The following SFMBT2 variants were observed in gnomAD, a reference collection of about 807,000 sequenced individuals.
SFMBT2 encodes the protein scm-like with four MBT domains protein 2.
In SFMBT2, 38 loss-of-function variants were observed where a neutral mutation model predicts 110.1. The observed-to-expected ratio is 0.35, with a 90% confidence interval of 0.27 to 0.45. The LOEUF is 0.45. Ranked by LOEUF, SFMBT2 falls within the 20% of genes least tolerant of loss-of-function variation. The probability of loss-of-function intolerance (pLI) is 1.00; values close to 1 mark genes in which losing one functional copy is unlikely to be tolerated. For synonymous variants in SFMBT2, 425 were observed against 425.4 expected, an observed-to-expected ratio of 1.00 and a Z score of 0.01; for missense variants, 1,011 against 1,094.9, an observed-to-expected ratio of 0.92 and a Z score of 1.08.
intron 15 of SFMBT2, among the ~76,000 whole-genome samples, chr10:7,189,470 A>G (rs1222486119): frequency 6.6e-6 from 1 of 152,200 alleles, no homozygotes; most frequent in African/African-American, 2.4e-5. Flanking sequence ...AGTTTCTCTA[A>G]TGAAAGGGAC....
intron 4 of SFMBT2, among the ~76,000 whole-genome samples, chr10:7,300,993 A>G (rs1417379866): frequency 6.6e-6 from 1 of 152,218 alleles, no homozygotes; most frequent in Non-Finnish European, 1.5e-5. Context: ...GAAAATAAAG[A>G]TCATTAAGAC....
At chr10:7,349,880 T>G (rs1202164704) in intron 4 of SFMBT2, among the ~76,000 whole-genome samples, 1 of 152,162 alleles carries the variant, frequency 6.6e-6, no homozygotes, top group Non-Finnish European at 1.5e-5. Context: ...CAGTATTTGA[T>G]GGACTGAAGA....
chr10:7,346,988 T>TCGAAA (rs568378316), intron 4 of SFMBT2, among the ~76,000 whole-genome samples: 7 of 150,256 alleles, frequency 4.7e-5, no homozygotes, highest in African/African-American at 1.7e-4. Flanking sequence ...AGACTCTGTC[T>TCGAAA]CAAAACAAAA....
intron 10 of SFMBT2, 98 bp from the exon 11 acceptor site, chr10:7,220,635 T>A (rs1308106137): frequency 2.4e-6 from 3 of 1,241,328 alleles, no homozygotes; most frequent in Non-Finnish European, 3.5e-6. Context: ...ACACGCATCT[T>A]ACATCGACAA....
chr10:7,250,298 G>A (rs1019072186), intron 7 of SFMBT2, among the ~76,000 whole-genome samples: 4 of 152,080 alleles, frequency 2.6e-5, no homozygotes, highest in Non-Finnish European at 4.4e-5. Context: ...ATCCGTGTGT[G>A]CTCAAGGTCT....
intron 15 of SFMBT2, 62 bp downstream of exon 15, chr10:7,197,486 A>G: frequency 6.3e-7 from 1 of 1,578,940 alleles, no homozygotes; most frequent in Non-Finnish European, 8.6e-7. Context: ...TCAGAAACTG[A>G]GCCCACAGCT....
intron 7 of SFMBT2, among the ~76,000 whole-genome samples, chr10:7,259,964 T>C (rs957562698): frequency 6.6e-6 from 1 of 152,212 alleles, no homozygotes; most frequent in African/African-American, 2.4e-5. Context: ...GCCTCCACTT[T>C]GAATGTCTAG....
In SFMBT2 at chr10:7,186,459, C is replaced by CACACACACACAT. The variant is rs748644225; in HGVS notation, c.1808+2164_1808+2165insATGTGTGTGTGT. On this transcript the variant is annotated intron_variant, in intron 16 of 20. Coordinates refer to ENST00000397167, the MANE Select transcript of SFMBT2 (RefSeq NM_001387889.1). ...ACACACACACACACACACACACACACATATATATATATATAAAAATATTTT... is the reference window on the plus strand; with the variant it reads ...ACACACACACACACACACACACACACACACACACACATATATATATATATATAAAAATATTTT... Among the ~76,000 whole-genome samples the CACACACACACAT allele has an allele frequency of 1.1e-3, 138 of 126,900 alleles. 1 individual carries two copies. Among genetic ancestry groups the CACACACACACAT allele is most frequent in the African/African-American group, 4.3e-3 (133 of 30,848 alleles). The allele number at this position is 126,900 out of a possible 152,430, so 83.3% of individuals were successfully genotyped here.
At position 7,170,967 on chromosome 10, in the gene SFMBT2, C is replaced by G; in HGVS notation, c.2505G>C (p.Leu835=). 1 of 1,614,208 alleles carries G rather than the reference C, an allele frequency of 6.2e-7. No individual in the cohort carries two copies. Residue 835 remains leucine (L), a synonymous_variant, in exon 20 of 21, where the codon CTG becomes CTC. Transcript: ENST00000397167. The surrounding 1 kb of genome is among the most constrained non-coding windows in gnomAD (Gnocchi z 4.6). ...TVTDVVRFIK[L]TDCAPLAKIF... is the part of the protein sequence containing the mutation. ...TCTTGGCCAAGGGGGCACAGTCTGT[C>G]AGCTTAATGAACCTCACCACGTCGG...
chr10:7,410,428 G>A (rs1425521124), intron 1 of SFMBT2, among the ~76,000 whole-genome samples: 2 of 152,268 alleles, frequency 1.3e-5, no homozygotes, highest in African/African-American at 2.4e-5. Flanking sequence ...AGCGGCGGCT[G>A]CGTCGCTAAA....
chr10:7,379,936 TA>T (rs1845376264), intron 2 of SFMBT2, among the ~76,000 whole-genome samples: 1 of 152,090 alleles, frequency 6.6e-6, no homozygotes, highest in Non-Finnish European at 1.5e-5. Context: ...AGAAACTACT[TA>T]AGTTAGAGAG....
intron 2 of SFMBT2, among the ~76,000 whole-genome samples, chr10:7,374,756 A>G (rs1279424519): frequency 1.3e-5 from 2 of 152,214 alleles, no homozygotes; most frequent in African/African-American, 4.8e-5. Context: ...TCAAACCTTC[A>G]TGCCCAGCAC....
At chr10:7,225,301 T>G (rs1240093424) in intron 10 of SFMBT2, among the ~76,000 whole-genome samples, 1 of 152,224 alleles carries the variant, frequency 6.6e-6, no homozygotes, top group African/African-American at 2.4e-5. Context: ...CTGTGTCGAT[T>G]CCTTTCATAA....
chr10:7,338,075 C>A (rs892507875), intron 4 of SFMBT2, among the ~76,000 whole-genome samples: 1 of 152,148 alleles, frequency 6.6e-6, no homozygotes, highest in African/African-American at 2.4e-5. Context: ...TAAACCAAAC[C>A]AACAGCTCTC....
At chr10:7,328,044 T>C (rs1385436112) in intron 4 of SFMBT2, among the ~76,000 whole-genome samples, 1 of 152,224 alleles carries the variant, frequency 6.6e-6, no homozygotes, top group East Asian at 1.9e-4. Flanking sequence ...ACTGCCAAAC[T>C]GTTTTCCCAA....
intron 4 of SFMBT2, among the ~76,000 whole-genome samples, chr10:7,327,685 A>T (rs1843436155): frequency 6.6e-6 from 1 of 152,010 alleles, no homozygotes; most frequent in Non-Finnish European, 1.5e-5. Context: ...TAACTCAAAA[A>T]AAAAAAAAAA....
At chr10:7,277,212 T>C (rs980156940) in intron 6 of SFMBT2, among the ~76,000 whole-genome samples, 1 of 152,210 alleles carries the variant, frequency 6.6e-6, no homozygotes, top group African/African-American at 2.4e-5. Flanking sequence ...ATAAACTTAA[T>C]AGAGCTCTTC....
Position 7,342,557 on chromosome 10 carries a change from C to G in SFMBT2, c.436+25092G>C, listed in dbSNP as rs56325010. On this transcript the variant is annotated intron_variant, in intron 4 of 20. Coordinates refer to ENST00000397167, the MANE Select transcript of SFMBT2 (RefSeq NM_001387889.1). The stretch of plus-strand genomic sequence containing the variant: ...CCGAGCAGCTGGGACTACAGGCACC[C>G]GCCACCGCGCCCAGCTAATATTTTT... Among the ~76,000 whole-genome samples, 4 of 151,976 alleles carry G rather than the reference C, an allele frequency of 2.6e-5. No homozygotes were observed. In the East Asian group the frequency reaches 7.7e-4, roughly 29 times the overall value.
chr10:7,384,143 G>A (rs148835210), intron 1 of SFMBT2, among the ~76,000 whole-genome samples: 6,534 of 147,426 alleles, frequency 0.044, 181 homozygotes, highest in Non-Finnish European at 0.061. Context: ...CCCGGGAGGC[G>A]GAGGTTGTGG....
Sources: gnomAD v4.1 joint callset for allele counts (sites outside exome capture counted in the v4.1 genomes callset) on GRCh38, gnomAD v4.1.1 for gene constraint, Gnocchi (gnomAD v3.1) non-coding constraint, MANE v1.5 for transcripts, NCBI Gene and HGNC (gene_info 2026-07-23, HGNC 2026-07-21) for gene names.